Variants in LRRK1 observed in about 807,000 individuals in gnomAD.
LRRK1 encodes leucine rich repeat kinase 1.
Under a neutral mutation model 209.1 loss-of-function variants are expected in LRRK1, and 113 were observed. The observed-to-expected ratio is 0.54, with a 90% CI of 0.46 to 0.63. The LOEUF is 0.63. Among genes scored for constraint, LRRK1 ranks in the 30% least tolerant of loss-of-function variants. The pLI is 0.00. For missense variants in LRRK1, 2,284 were observed against 2,632.2 expected, an observed-to-expected ratio of 0.87 and a Z score of 2.89; for synonymous variants, 1,144 against 1,099.7, an observed-to-expected ratio of 1.04 and a Z score of -0.80.
In LRRK1 at chr15:101,051,896, C is replaced by A; in HGVS notation, c.3625C>A (p.Pro1209Thr). The A allele has an allele frequency of 6.2e-7, 1 of 1,614,036 alleles. No homozygotes were observed. The highest frequency in any genetic ancestry group is 8.5e-7 in the Non-Finnish European group (1 of 1,180,030). Residue 1209 changes from proline (P) to threonine (T), a missense_variant, in exon 24 of 34, where the codon CCG (proline) becomes ACG (threonine). Around this residue, in one of 6 missense-constraint regions of LRRK1, gnomAD observed 780 missense variants for 985.2 expected, o/e 0.79. Transcript: ENST00000388948. ...GGACTTCATCTCCTGCCCCAGACACCCGGACCTCCCCGTGCCGCTGCAGGA... is the reference window on the plus strand; with the variant it reads ...GGACTTCATCTCCTGCCCCAGACACACGGACCTCCCCGTGCCGCTGCAGGA... ...ERDFISCPRHPDLPVPLQELV... is the reference protein window; with the variant it reads ...ERDFISCPRHTDLPVPLQELV...
At chr15:100,935,576 G>A (rs1164317982) in intron 2 of LRRK1, among the ~76,000 whole-genome samples, 4 of 152,306 alleles carry the variant, frequency 2.6e-5, no homozygotes, top group African/African-American at 9.6e-5. Context: ...TAGGGAATTA[G>A]AAGGCTATTG....
At chr15:101,059,806 G>A (rs746785232) in intron 29 of LRRK1, among the ~76,000 whole-genome samples, 1 of 152,246 alleles carries the variant, frequency 6.6e-6, no homozygotes, top group Non-Finnish European at 1.5e-5. Flanking sequence ...GTACCAAAGT[G>A]AACCAGGGCT....
rs776740800 is a variant in LRRK1 at position 101,065,633 on chromosome 15, C to T, written c.5196C>T (p.Ala1732=). The T allele has an allele frequency of 3.7e-6, 6 of 1,614,146 alleles. No homozygotes were observed. The African/African-American group carries it at 4.0e-5, about 11-fold the overall frequency. The stretch of plus-strand genomic sequence containing the variant: ...GCAGGCGGCTGGAGCCCTACATGGC[C>T]CCCTCCATGGTTACGTCAGTCGTGT... ...EICRRLEPYM[A]PSMVTSVVCS... The change falls in exon 32 of 34, where the codon GCC becomes GCT. Residue 1732 remains alanine, a synonymous_variant. Transcript: ENST00000388948.
At chr15:101,064,903 T>G (rs974055633) in intron 31 of LRRK1, 2 of 188,660 alleles carry the variant, frequency 1.1e-5, no homozygotes, top group Non-Finnish European at 2.2e-5. Flanking sequence ...CAGGGGGCAG[T>G]GCACAGATGC....
At chr15:101,010,144 T>C (rs2033162629) in intron 7 of LRRK1, among the ~76,000 whole-genome samples, 1 of 152,248 alleles carries the variant, frequency 6.6e-6, no homozygotes, top group African/African-American at 2.4e-5. Context: ...AGCCCTGCTC[T>C]GTGGTCTCAG....
In LRRK1 at chr15:101,022,046, G is replaced by A; in HGVS notation, c.1852+89G>A. 1 of 905,714 alleles carries A rather than the reference G, an allele frequency of 1.1e-6. No homozygotes were observed. Among genetic ancestry groups the A allele is most frequent in the Non-Finnish European group, 1.7e-6 (1 of 584,808 alleles). The allele number at this position is 905,714 out of a possible 1,614,324, so 56.1% of individuals were successfully genotyped here. A position where few individuals can be genotyped will look rare whatever the true frequency, so the allele number is the denominator to read the frequency against. Reference sequence around the variant, plus strand: ...TTAAGTTCTGGGGGTGGAGACAGTTGGTGACCCATGGAGCCCAGCTCCAGG... The same window carrying A: ...TTAAGTTCTGGGGGTGGAGACAGTTAGTGACCCATGGAGCCCAGCTCCAGG... On this transcript the variant is annotated intron_variant, in intron 14 of 33. Transcript: ENST00000388948. The surrounding 1 kb of genome is among the most constrained non-coding windows in gnomAD (Gnocchi z 4.0).
intron 6 of LRRK1, among the ~76,000 whole-genome samples, chr15:101,001,208 G>A (rs1431871412): frequency 1.3e-5 from 2 of 152,102 alleles, no homozygotes; most frequent in African/African-American, 4.8e-5. Flanking sequence ...CTGAATCCCT[G>A]TCACTCAGGG....
rs894444161 is a variant in LRRK1, at chr15:101,075,943, A to G, written c.*7095A>G. On this transcript the variant is annotated 3_prime_UTR_variant, in exon 34 of 34. Transcript: ENST00000388948. ...AGCCCCCATTACATCAGTCAAGCCC[A>G]AATTTTTTCCCTATCTGTTACCTAT... 4 of 152,266 alleles carry G rather than the reference A, an allele frequency of 2.6e-5. No homozygotes were observed. Among genetic ancestry groups the G allele is most frequent in the African/African-American group, 9.7e-5 (4 of 41,422 alleles). 9.4% of individuals were successfully genotyped at this position (152,266 alleles called of 1,614,324 possible). A position where few individuals can be genotyped will look rare whatever the true frequency, so the allele number is the denominator to read the frequency against.
At chr15:100,971,431 G>T (rs2030881569) in intron 2 of LRRK1, among the ~76,000 whole-genome samples, 2 of 152,242 alleles carry the variant, frequency 1.3e-5, no homozygotes, top group Non-Finnish European at 2.9e-5. Flanking sequence ...GCAGCACAAA[G>T]ATGGGTTGGG....
chr15:101,051,677 T>C (rs1175301158), intron 23 of LRRK1, 34 bp from the exon 24 acceptor site: 2 of 1,602,118 alleles, frequency 1.2e-6, no homozygotes, highest in South Asian at 1.1e-5. Flanking sequence ...CACCACCTTC[T>C]TGTGAAGCTG....
At chr15:101,002,463 C>G (rs1447548486) in intron 6 of LRRK1, among the ~76,000 whole-genome samples, 1 of 152,178 alleles carries the variant, frequency 6.6e-6, no homozygotes, top group Non-Finnish European at 1.5e-5. Flanking sequence ...CTTGAAAAAC[C>G]AACATGAACA....
chr15:100,937,893 C>T (rs2042331923), intron 2 of LRRK1, among the ~76,000 whole-genome samples: 1 of 152,034 alleles, frequency 6.6e-6, no homozygotes, highest in African/African-American at 2.4e-5. Flanking sequence ...CTCTGTCACC[C>T]AAGCAGGAGT....
intron 2 of LRRK1, among the ~76,000 whole-genome samples, chr15:100,964,826 G>A (rs1459640697): frequency 6.6e-6 from 1 of 151,632 alleles, no homozygotes; most frequent in Non-Finnish European, 1.5e-5. Flanking sequence ...ACACACATGA[G>A]GCCAACATTT....
chr15:100,988,891 T>C, intron 5 of LRRK1, 78 bp downstream of exon 5: 1 of 1,220,148 alleles, frequency 8.2e-7, no homozygotes, highest in Non-Finnish European at 1.1e-6. Flanking sequence ...TGTGTCTTTA[T>C]TCTCACTCTT....
intron 2 of LRRK1, among the ~76,000 whole-genome samples, chr15:100,928,621 G>A (rs1211835236): frequency 1.3e-5 from 2 of 152,182 alleles, no homozygotes; most frequent in Non-Finnish European, 2.9e-5. Context: ...ATACTTCCAC[G>A]TGTGCGTTAG....
At chr15:101,008,029 G>C (rs971591027) in intron 6 of LRRK1, among the ~76,000 whole-genome samples, 2 of 151,676 alleles carry the variant, frequency 1.3e-5, no homozygotes, top group Non-Finnish European at 2.9e-5. Context: ...TGGTGGTGCA[G>C]CTACTGAGGA....
chr15:100,972,363 A>AGAGAGAGAGAGAGTGT (rs1176201849), intron 2 of LRRK1, among the ~76,000 whole-genome samples: 51 of 98,494 alleles, frequency 5.2e-4, no homozygotes, highest in Non-Finnish European at 8.4e-4. Flanking sequence ...AGAGAGAGAG[A>AGAGAGAGAGAGAGTGT]GTGTGTGTGT....
chr15:100,997,249 T>G (rs753847553), intron 6 of LRRK1, among the ~76,000 whole-genome samples: 2 of 152,150 alleles, frequency 1.3e-5, no homozygotes, highest in Non-Finnish European at 2.9e-5. Flanking sequence ...AACATAATTT[T>G]AAAAAGAAAA....
In LRRK1 at chr15:100,983,903, A is replaced by G. The variant is rs371529239; in HGVS notation, c.433+204A>G. 2.9e-5 allele frequency: 21 copies of G among 736,446 alleles called. 1 individual carries two copies. The highest frequency in any genetic ancestry group is 2.3e-4 in the Middle Eastern group (1 of 4,366). 45.6% of individuals were successfully genotyped at this position (736,446 alleles called of 1,614,324 possible). ...CATGAACTCATAAGGGAAATTCTCA[A>G]ACACCATATTTCATAAAGAATGTAA... On this transcript the variant is annotated intron_variant, in intron 4 of 33. Coordinates refer to ENST00000388948, the MANE Select transcript of LRRK1 (RefSeq NM_024652.6).
Sources: allele counts gnomAD v4.1 joint callset (sites outside exome capture counted in the v4.1 genomes callset), GRCh38; gene constraint gnomAD v4.1.1; regional missense constraint gnomAD v4.1.1; non-coding constraint Gnocchi (gnomAD v3.1); transcripts MANE v1.5; gene names NCBI Gene and HGNC (gene_info 2026-07-23, HGNC 2026-07-21).